MALRD1: variants seen among roughly 807,000 people sequenced by gnomAD.
MALRD1 encodes the protein MAM and LDL-receptor class A domain-containing protein 1.
Under a neutral mutation model 242.1 loss-of-function variants are expected in MALRD1, and 247 were observed. That is an observed-to-expected ratio of 1.02 (90% CI 0.92 to 1.13). The LOEUF (loss-of-function observed/expected upper bound fraction) is 1.13. MALRD1 is among the 50% of genes most tolerant of loss of function. The pLI, the probability that MALRD1 is intolerant of heterozygous loss-of-function variation, is 0.00. For synonymous variants in MALRD1, 995 were observed against 866.6 expected (o/e 1.15, Z -2.60); for missense variants, 2,989 against 2,533.1 (o/e 1.18, Z -3.86).
intron 23 of MALRD1, among the ~76,000 whole-genome samples, chr10:19,329,167 G>T (rs1033099618): frequency 6.6e-6 from 1 of 152,062 alleles, no homozygotes; most frequent in South Asian, 2.1e-4. Flanking sequence ...GTGAATATTT[G>T]CTGTTTTATG....
At chr10:19,148,585 A>G (rs1833806689) in intron 11 of MALRD1, among the ~76,000 whole-genome samples, 1 of 151,858 alleles carries the variant, frequency 6.6e-6, no homozygotes, top group Admixed American at 6.6e-5. Context: ...TAATTACTAC[A>G]TAACTATGAT....
intron 33 of MALRD1, among the ~76,000 whole-genome samples, chr10:19,577,783 G>A (rs75507692): frequency 0.013 from 1,981 of 151,898 alleles, 20 homozygotes; most frequent in East Asian, 0.036. Flanking sequence ...ACATAACATG[G>A]TAACTTAGTC....
intron 36 of MALRD1, among the ~76,000 whole-genome samples, chr10:19,690,579 A>C (rs973151842): frequency 4.6e-5 from 7 of 151,824 alleles, no homozygotes; most frequent in Non-Finnish European, 8.8e-5. Flanking sequence ...AATAAGAGAA[A>C]ATTTTCTATC....
At chr10:19,670,063 C>T (rs191106890) in intron 36 of MALRD1, among the ~76,000 whole-genome samples, 33 of 133,786 alleles carry the variant, frequency 2.5e-4, no homozygotes, top group Admixed American at 8.6e-4. Context: ...TTCCCTCGCA[C>T]GTGCACACAC....
chr10:19,539,366 T>C (rs1834828127), intron 32 of MALRD1, among the ~76,000 whole-genome samples: 1 of 152,224 alleles, frequency 6.6e-6, no homozygotes, highest in Admixed American at 6.5e-5. Flanking sequence ...CTTTCAGAAC[T>C]AGAGGGCTAT....
chr10:19,549,980 TCAC>T (rs1052183232), intron 32 of MALRD1, among the ~76,000 whole-genome samples: 62 of 152,296 alleles, frequency 4.1e-4, no homozygotes, highest in African/African-American at 1.4e-3. Context: ...TCACAAATAA[TCAC>T]CAACCAATTT....
intron 36 of MALRD1, among the ~76,000 whole-genome samples, chr10:19,657,098 C>A (rs1374345074): frequency 6.6e-6 from 1 of 152,072 alleles, no homozygotes; most frequent in Admixed American, 6.6e-5. Flanking sequence ...CAGCTGCTAT[C>A]CTCATTCTCT....
At chr10:19,117,196 T>C (rs1836901046) in intron 5 of MALRD1, among the ~76,000 whole-genome samples, 1 of 151,868 alleles carries the variant, frequency 6.6e-6, no homozygotes, top group African/African-American at 2.4e-5. Flanking sequence ...AGCTTTGAGC[T>C]CTGGGATTGA....
At chr10:19,327,784 T>A (rs1843200459) in intron 23 of MALRD1, 111 bp downstream of exon 23, 2 of 852,336 alleles carry the variant, frequency 2.3e-6, no homozygotes, top group Admixed American at 2.2e-5. Flanking sequence ...TTTTGATGTG[T>A]TCTGTGGATG....
At chr10:19,530,446 A>AATAT in intron 31 of MALRD1, among the ~76,000 whole-genome samples, 2 of 55,746 alleles carry the variant, frequency 3.6e-5, no homozygotes, top group Non-Finnish European at 1.1e-4. Context: ...ATAATATATA[A>AATAT]TATATAATAT....
intron 29 of MALRD1, among the ~76,000 whole-genome samples, chr10:19,458,641 A>C (rs184363631): frequency 6.6e-6 from 1 of 152,268 alleles, no homozygotes; most frequent in Admixed American, 6.5e-5. Context: ...ACGGGTCAAT[A>C]AGAATCAGAA....
At chr10:19,586,302 CT>C (rs1837398491) in intron 33 of MALRD1, among the ~76,000 whole-genome samples, 1 of 152,142 alleles carries the variant, frequency 6.6e-6, no homozygotes, top group Non-Finnish European at 1.5e-5. Flanking sequence ...GAGAGGTGCT[CT>C]GCTTTTTAGA....
At chr10:19,645,071 A>G (rs923441481) in intron 36 of MALRD1, among the ~76,000 whole-genome samples, 1 of 152,162 alleles carries the variant, frequency 6.6e-6, no homozygotes, top group Non-Finnish European at 1.5e-5. Flanking sequence ...TTATTTTCTC[A>G]TTTTCATAGT....
intron 29 of MALRD1, among the ~76,000 whole-genome samples, chr10:19,482,117 A>T (rs1837020924): frequency 6.6e-6 from 1 of 152,050 alleles, no homozygotes. Flanking sequence ...TAGAAATCAC[A>T]TTAAATGACT....
In MALRD1 at chr10:19,128,379, A is replaced by C; in HGVS notation, c.1102A>C (p.Asn368His). The change falls in exon 8 of 40, where the codon AAT becomes CAT. Residue 368 changes from asparagine to histidine, a missense_variant. Transcript: ENST00000454679. ...CAGTGTCCTGAGAGTAAGACTGTAT[A>C]ATAATAAGGTAAGAAGAAAGTTGCA... is the stretch of plus-strand genomic sequence containing the variant. ...ESSVLRVRLY[N>H]NKEEEIFWTY... The C allele has an allele frequency of 8.1e-7, 1 of 1,232,840 alleles. No individual in the cohort carries two copies. The highest frequency in any genetic ancestry group is 1.0e-6 in the Non-Finnish European group (1 of 987,292). The allele number at this position is 1,232,840 out of a possible 1,614,324, so 76.4% of individuals were successfully genotyped here. A position where few individuals can be genotyped will look rare whatever the true frequency, so the allele number is the denominator to read the frequency against.
chr10:19,205,389 A>C, intron 17 of MALRD1, 124 bp downstream of exon 17: 1 of 581,058 alleles, frequency 1.7e-6, no homozygotes, highest in Non-Finnish European at 2.1e-6. Context: ...GATGAATGTT[A>C]TGTGTGGTTA....
chr10:19,361,993 G>A (rs767455035), intron 26 of MALRD1, among the ~76,000 whole-genome samples: 11 of 151,948 alleles, frequency 7.2e-5, no homozygotes, highest in Non-Finnish European at 7.4e-5. Flanking sequence ...ACCCTTCCAG[G>A]CTTGGTTTTA....
rs778523005 is a variant in MALRD1, at chr10:19,539,656, C to T, written c.5478+8305C>T. ...CAATAGTTGCCTGTGAGACATGCCA[C>T]GCAATCCTTTTGTTCTGCTGCTTTG... On this transcript the variant is annotated intron_variant, in intron 32 of 39. Coordinates refer to ENST00000454679, the MANE Select transcript of MALRD1 (RefSeq NM_001142308.3). Among the ~76,000 whole-genome samples, 15 of 151,898 alleles carry T rather than the reference C, an allele frequency of 9.9e-5. 1 individual carries two copies. Among genetic ancestry groups the T allele is most frequent in the Non-Finnish European group, 1.6e-4 (11 of 67,968 alleles).
intron 18 of MALRD1, among the ~76,000 whole-genome samples, chr10:19,228,952 A>C (rs552991379): frequency 1.0e-4 from 15 of 149,808 alleles, no homozygotes; most frequent in South Asian, 2.2e-4. Flanking sequence ...CAGCCCCCCC[A>C]AAAAAAGGCC....
Sources: allele counts gnomAD v4.1 joint callset (sites outside exome capture counted in the v4.1 genomes callset), GRCh38; gene constraint gnomAD v4.1.1; transcripts MANE v1.5; gene names NCBI Gene and HGNC (gene_info 2026-07-23, HGNC 2026-07-21).